MIOS: variants seen among roughly 807,000 people sequenced by gnomAD.
MIOS encodes the protein GATOR2 complex protein MIOS.
Under a neutral mutation model 96.9 loss-of-function variants are expected in MIOS, and 52 were observed. The ratio of observed to expected loss-of-function variants is 0.54; its 90% CI spans 0.43 to 0.68. MIOS has a LOEUF of 0.68. Ranked by LOEUF, MIOS falls within the 30% of genes least tolerant of loss-of-function variation. MIOS has a pLI of 0.00. For synonymous variants in MIOS, 397 were observed against 359.5 expected, an observed-to-expected ratio of 1.10 and a Z score of -1.18; for missense variants, 1,005 against 1,052.8, an observed-to-expected ratio of 0.95 and a Z score of 0.63.
At chr7:7,597,506 ATATATATATAT>A (rs1563041074) in intron 11 of MIOS, among the ~76,000 whole-genome samples, 973 of 62,794 alleles carry the variant, frequency 0.015, 157 homozygotes, top group African/African-American at 0.053. Flanking sequence ...ATATATATAT[ATATATATATAT>A]GAAGGCAATA....
intron 11 of MIOS, among the ~76,000 whole-genome samples, chr7:7,599,640 G>A (rs939811413): frequency 2.6e-5 from 4 of 152,116 alleles, no homozygotes; most frequent in African/African-American, 7.2e-5. Context: ...GGGGTGTTTG[G>A]GAAGAGCAAG....
intron 11 of MIOS, among the ~76,000 whole-genome samples, chr7:7,601,181 T>G (rs1391227668): frequency 6.6e-6 from 1 of 151,688 alleles, no homozygotes; most frequent in East Asian, 1.9e-4. Context: ...AGCAAACACA[T>G]TGAAAAGCTA....
At chr7:7,595,533 T>C (rs17168807) in intron 10 of MIOS, among the ~76,000 whole-genome samples, 3,924 of 152,076 alleles carry the variant, frequency 0.026, 152 homozygotes, top group African/African-American at 0.089. Flanking sequence ...ACATGGAAAT[T>C]TTTTTTTAGC....
At chr7:7,589,305 A>AT in intron 8 of MIOS, 100 bp from the exon 9 acceptor site, 4 of 1,027,448 alleles carry the variant, frequency 3.9e-6, no homozygotes, top group Non-Finnish European at 5.6e-6. Context: ...TTGTTTTAAA[A>AT]TGTTTTCCAT....
At chr7:7,570,149 C>G (rs1007979195) in intron 3 of MIOS, among the ~76,000 whole-genome samples, 2 of 152,194 alleles carry the variant, frequency 1.3e-5, no homozygotes, top group South Asian at 2.1e-4. Flanking sequence ...GCACCACACA[C>G]CAGATATGTT....
At chr7:7,603,400 AG>A (rs1404461413) in intron 11 of MIOS, among the ~76,000 whole-genome samples, 2 of 152,218 alleles carry the variant, frequency 1.3e-5, no homozygotes, top group African/African-American at 2.4e-5. Flanking sequence ...AACTGGGCAA[AG>A]GATATGAACA....
At chr7:7,584,303 AAG>A (rs1456324720) in intron 6 of MIOS, among the ~76,000 whole-genome samples, 2 of 152,294 alleles carry the variant, frequency 1.3e-5, no homozygotes, top group East Asian at 3.9e-4. Flanking sequence ...TGATGGAAAA[AAG>A]AATTGATATT....
Position 7,572,348 on chromosome 7 carries a change from G to T in MIOS, c.-40-88G>T, listed in dbSNP as rs924259730. ...TTGAAAAAGAGGGTTCTTGAATAGAGAATTTTCTGACTTTCTGAATAGTTT... is the reference window on the plus strand; with the variant it reads ...TTGAAAAAGAGGGTTCTTGAATAGATAATTTTCTGACTTTCTGAATAGTTT... On this transcript the variant is annotated intron_variant, in intron 3 of 12. Transcript: ENST00000340080. This position sits in a 1 kb window ranked among gnomAD's most constrained non-coding sequence, Gnocchi z 4.8. 1.3e-5 allele frequency: 8 copies of T among 617,570 alleles called. 1 individual carries two copies. The highest frequency in any genetic ancestry group is 1.0e-4 in the South Asian group (3 of 28,944). The allele number at this position is 617,570 out of a possible 1,614,324, so 38.3% of individuals were successfully genotyped here. A position where few individuals can be genotyped will look rare whatever the true frequency, so the allele number is the denominator to read the frequency against.
At position 7,566,957 on chromosome 7, in the gene MIOS, C is replaced by G. The variant is rs1476728700; in HGVS notation, c.-336C>G. 1 of 152,112 alleles carries G rather than the reference C, an allele frequency of 6.6e-6. No homozygotes were observed. Among genetic ancestry groups the G allele is most frequent in the Non-Finnish European group, 1.5e-5 (1 of 68,000 alleles). The allele number at this position is 152,112 out of a possible 1,614,324, so 9.4% of individuals were successfully genotyped here. On this transcript the variant is annotated 5_prime_UTR_variant, in exon 1 of 13. Transcript: ENST00000340080. The stretch of plus-strand genomic sequence containing the variant: ...GGGTCGTGGGTCCCAGCCCAGTGGT[C>G]CAGGTCACGGGCCGCACGGCCGCGG...
intron 11 of MIOS, among the ~76,000 whole-genome samples, chr7:7,597,710 G>GT (rs1213415969): frequency 6.7e-5 from 10 of 150,192 alleles, no homozygotes; most frequent in African/African-American, 2.4e-4. Context: ...TGTTTGTTTT[G>GT]TTTTTTGAGA....
chr7:7,585,191 G>T (rs572083102), intron 6 of MIOS, among the ~76,000 whole-genome samples: 1 of 152,186 alleles, frequency 6.6e-6, no homozygotes, highest in African/African-American at 2.4e-5. Flanking sequence ...ATTCTGGTAG[G>T]ATGACTTCAC....
chr7:7,604,103 T>C (rs1036389233), intron 11 of MIOS, among the ~76,000 whole-genome samples: 3 of 151,944 alleles, frequency 2.0e-5, no homozygotes, highest in Non-Finnish European at 4.4e-5. Flanking sequence ...TTAGGAGATA[T>C]ACCTAATGCT....
At chr7:7,589,188 C>A (rs936572561) in intron 8 of MIOS, among the ~76,000 whole-genome samples, 3 of 152,046 alleles carry the variant, frequency 2.0e-5, no homozygotes, top group Non-Finnish European at 4.4e-5. Context: ...TAATTATCAA[C>A]ATAATAAATG....
At chr7:7,567,576 A>G (rs1242945522) in intron 1 of MIOS, 31 bp from the exon 2 acceptor site, 1 of 152,270 alleles carries the variant, frequency 6.6e-6, no homozygotes, top group African/African-American at 2.4e-5. Context: ...ATAGGTTAGC[A>G]AATGACTGCA....
At position 7,573,117 on chromosome 7, in the gene MIOS, G is replaced by A. The variant is rs759690497; in HGVS notation, c.642G>A (p.Arg214=). The change falls in exon 4 of 13, where the codon CGG becomes CGA. Residue 214 remains arginine, a synonymous_variant. Transcript: ENST00000340080. This position sits in a 1 kb window ranked among gnomAD's most constrained non-coding sequence, Gnocchi z 5.0. The stretch of plus-strand genomic sequence containing the variant: ...GTAACCTAGCTATATTTGATCTTCG[G>A]AATACAAGCCAAAAGATGTTCGTAA... The part of the protein sequence containing the change: ...MHRNLAIFDL[R]NTSQKMFVNT... 6.2e-7 allele frequency: 1 copy of A among 1,614,028 alleles called. No homozygotes were observed. The highest frequency in any genetic ancestry group is 8.5e-7 in the Non-Finnish European group (1 of 1,179,966).
chr7:7,600,735 A>G (rs1279970397), intron 11 of MIOS, among the ~76,000 whole-genome samples: 1 of 152,010 alleles, frequency 6.6e-6, no homozygotes, highest in Non-Finnish European at 1.5e-5. Flanking sequence ...CATCTACAGA[A>G]CTCTCCACCC....
intron 11 of MIOS, among the ~76,000 whole-genome samples, chr7:7,602,917 C>A (rs1433156166): frequency 1.3e-5 from 2 of 152,116 alleles, no homozygotes; most frequent in East Asian, 3.8e-4. Context: ...ATAATGCCAC[C>A]TATCTACAAC....
At chr7:7,606,339 G>A (rs527335366) in intron 12 of MIOS, among the ~76,000 whole-genome samples, 2 of 152,184 alleles carry the variant, frequency 1.3e-5, no homozygotes, top group East Asian at 3.9e-4. Flanking sequence ...CTTTATTCGG[G>A]GAGAGGATAT....
At chr7:7,594,025 C>T (rs1180281809) in intron 9 of MIOS, among the ~76,000 whole-genome samples, 1 of 151,752 alleles carries the variant, frequency 6.6e-6, no homozygotes, top group Non-Finnish European at 1.5e-5. Context: ...ATGAGAAGAA[C>T]TCTAAAGTAA....
Sources: gnomAD v4.1 joint callset for allele counts (sites outside exome capture counted in the v4.1 genomes callset) on GRCh38, gnomAD v4.1.1 for gene constraint, Gnocchi (gnomAD v3.1) non-coding constraint, MANE v1.5 for transcripts, NCBI Gene and HGNC (gene_info 2026-07-23, HGNC 2026-07-21) for gene names.